The following FAT3 variants were observed in gnomAD, a reference collection of about 807,000 sequenced individuals.
FAT3 encodes the protein protocadherin Fat 3.
Under a neutral mutation model 310.2 loss-of-function variants are expected in FAT3, and 95 were observed. That is an observed-to-expected ratio of 0.31 (90% CI 0.26 to 0.36). FAT3 has a LOEUF of 0.36. FAT3 is among the 10% of genes least tolerant of loss of function. The pLI is 1.00. For synonymous variants in FAT3, 2,314 were observed against 2,192.9 expected (o/e 1.06, Z -1.54); for missense variants, 5,408 against 5,715.6 (o/e 0.95, Z 1.74).
intron 4 of FAT3, among the ~76,000 whole-genome samples, chr11:92,756,477 T>C (rs1945993821): frequency 6.6e-6 from 1 of 152,172 alleles, no homozygotes. Flanking sequence ...TGAAGAATGA[T>C]TTTCCATTAT....
chr11:92,549,157 A>G (rs1954716633), intron 3 of FAT3, among the ~76,000 whole-genome samples: 1 of 152,180 alleles, frequency 6.6e-6, no homozygotes, highest in Admixed American at 6.5e-5. Context: ...CCTTCTTCTG[A>G]GAAAGGTAAT....
chr11:92,791,589 G>A (rs1321424508), intron 8 of FAT3, among the ~76,000 whole-genome samples: 1 of 152,154 alleles, frequency 6.6e-6, no homozygotes, highest in Non-Finnish European at 1.5e-5. Flanking sequence ...CAGCAAACAA[G>A]TGCTTTACAC....
At chr11:92,466,489 G>T (rs1052085649) in intron 2 of FAT3, among the ~76,000 whole-genome samples, 1 of 151,716 alleles carries the variant, frequency 6.6e-6, no homozygotes, top group Non-Finnish European at 1.5e-5. Flanking sequence ...TATGCACTCA[G>T]CATCCCCATT....
chr11:92,531,785 T>G (rs1361682211), intron 3 of FAT3, among the ~76,000 whole-genome samples: 1 of 152,106 alleles, frequency 6.6e-6, no homozygotes, highest in Non-Finnish European at 1.5e-5. Context: ...ATACTTATTG[T>G]GAATGTAAGT....
chr11:92,599,863 A>G (rs1385931979), intron 3 of FAT3, among the ~76,000 whole-genome samples: 1 of 152,218 alleles, frequency 6.6e-6, no homozygotes, highest in Non-Finnish European at 1.5e-5. Context: ...TTATAAGCTT[A>G]TAATACTCCC....
chr11:92,385,001 A>G (rs1949584605), intron 2 of FAT3, among the ~76,000 whole-genome samples: 2 of 152,212 alleles, frequency 1.3e-5, no homozygotes, highest in African/African-American at 4.8e-5. Context: ...CAAAAGAAAG[A>G]GCAGAGAGAG....
intron 2 of FAT3, among the ~76,000 whole-genome samples, chr11:92,451,287 A>C (rs1951346712): frequency 6.6e-6 from 1 of 152,012 alleles, no homozygotes; most frequent in African/African-American, 2.4e-5. Context: ...TAAGCATTTT[A>C]ATTTGGATGG....
chr11:92,502,172 C>T (rs1374392125), intron 2 of FAT3, among the ~76,000 whole-genome samples: 1 of 152,006 alleles, frequency 6.6e-6, no homozygotes, highest in Non-Finnish European at 1.5e-5. Context: ...CAGGGATAAA[C>T]ATAAATCTTT....
chr11:92,543,344 CA>C (rs1555079333), intron 3 of FAT3, among the ~76,000 whole-genome samples: 3 of 151,942 alleles, frequency 2.0e-5, no homozygotes, highest in Non-Finnish European at 4.4e-5. Flanking sequence ...GTGTTCTCAC[CA>C]CACAAAAAAG....
At chr11:92,537,271 A>G (rs2135401207) in intron 3 of FAT3, among the ~76,000 whole-genome samples, 1 of 152,240 alleles carries the variant, frequency 6.6e-6, no homozygotes, top group South Asian at 2.1e-4. Flanking sequence ...GAAGGGAAAA[A>G]GGAGACTGGT....
chr11:92,233,143 C>G (rs1301505610), intron 1 of FAT3, among the ~76,000 whole-genome samples: 1 of 152,154 alleles, frequency 6.6e-6, no homozygotes, highest in Non-Finnish European at 1.5e-5. Flanking sequence ...GGAATGTTGA[C>G]AAGTGAGGTA....
rs1431060068 is a variant in FAT3, at chr11:92,432,988, T to C, written c.3292+77584T>C. On this transcript the variant is annotated intron_variant, in intron 2 of 27. Coordinates refer to ENST00000525166, the MANE Select transcript of FAT3 (RefSeq NM_001367949.2). ...GCTACAGAGGCTTTGCGGCACTACGTTGGGCTCTGTCCAGTCTGAACTTTG... is the reference window on the plus strand; with the variant it reads ...GCTACAGAGGCTTTGCGGCACTACGCTGGGCTCTGTCCAGTCTGAACTTTG... Among the ~76,000 whole-genome samples, 12 of 152,284 alleles carry C rather than the reference T, an allele frequency of 7.9e-5. No individual in the cohort carries two copies. In the South Asian group the frequency reaches 1.0e-3, roughly 13 times the overall value.
At chr11:92,688,710 G>C (rs533513011) in intron 3 of FAT3, among the ~76,000 whole-genome samples, 1 of 152,254 alleles carries the variant, frequency 6.6e-6, no homozygotes, top group Non-Finnish European at 1.5e-5. Flanking sequence ...TCTGGGGGGA[G>C]CCTACAAGTC....
intron 1 of FAT3, among the ~76,000 whole-genome samples, chr11:92,234,505 G>C (rs1189896963): frequency 6.6e-6 from 1 of 152,130 alleles, no homozygotes; most frequent in Non-Finnish European, 1.5e-5. Flanking sequence ...GGTGGCTCAC[G>C]CCTGTAATCC....
At chr11:92,256,848 C>T (rs1865336270) in intron 1 of FAT3, among the ~76,000 whole-genome samples, 2 of 152,056 alleles carry the variant, frequency 1.3e-5, no homozygotes, top group African/African-American at 4.8e-5. Context: ...GTTGTGCAGC[C>T]AGGATATGAA....
chr11:92,425,979 A>G (rs1422307132), intron 2 of FAT3, among the ~76,000 whole-genome samples: 1 of 152,186 alleles, frequency 6.6e-6, no homozygotes, highest in Non-Finnish European at 1.5e-5. Context: ...ACAATGGTTG[A>G]ACTAATTTAC....
intron 1 of FAT3, among the ~76,000 whole-genome samples, chr11:92,320,301 T>C (rs990827121): frequency 1.3e-5 from 2 of 152,166 alleles, no homozygotes; most frequent in Non-Finnish European, 2.9e-5. Context: ...CCATGTACCA[T>C]TGACATGCAG....
At chr11:92,540,663 A>G (rs1954417786) in intron 3 of FAT3, among the ~76,000 whole-genome samples, 1 of 152,092 alleles carries the variant, frequency 6.6e-6, no homozygotes, top group Non-Finnish European at 1.5e-5. Context: ...TGTTCATGCA[A>G]GTTGTTCATA....
At chr11:92,753,370 A>G (rs1945879332) in intron 4 of FAT3, among the ~76,000 whole-genome samples, 1 of 152,210 alleles carries the variant, frequency 6.6e-6, no homozygotes, top group African/African-American at 2.4e-5. Context: ...GAAAAACAAT[A>G]AAAAGATTCC....
Sources: gnomAD v4.1 joint callset for allele counts (sites outside exome capture counted in the v4.1 genomes callset) on GRCh38, gnomAD v4.1.1 for gene constraint, MANE v1.5 for transcripts, NCBI Gene and HGNC (gene_info 2026-07-23, HGNC 2026-07-21) for gene names.